The following NUP42 variants were observed in gnomAD, a reference collection of about 807,000 sequenced individuals.
NUP42 encodes the protein nucleoporin 42.
NUP42 carries 47 observed loss-of-function variants against 35.9 expected under a neutral mutation model. The observed-to-expected ratio is 1.31, with a 90% confidence interval of 1.04 to 1.67. The LOEUF is 1.67. Ranked by LOEUF, NUP42 falls within the 40% of genes most tolerant of loss-of-function variation. The pLI, the probability that NUP42 is intolerant of heterozygous loss-of-function variation, is 0.00. For missense variants in NUP42, 514 were observed against 492.2 expected, an observed-to-expected ratio of 1.04 and a Z score of -0.42; for synonymous variants, 173 against 173.3, an observed-to-expected ratio of 1.00 and a Z score of 0.01.
intron 3 of NUP42, among the ~76,000 whole-genome samples, chr7:23,190,073 A>G (rs908221834): frequency 5.9e-5 from 9 of 152,348 alleles, no homozygotes; most frequent in East Asian, 5.8e-4. Context: ...TAAACCAGTG[A>G]ATGTTAATAT....
intron 3 of NUP42, chr7:23,195,597 T>C: frequency 2.8e-6 from 1 of 351,508 alleles, no homozygotes; most frequent in Non-Finnish European, 5.0e-6. Flanking sequence ...GTGTTTGTTG[T>C]TCATTCTACG....
chr7:23,189,942 T>C (rs1785734341), intron 3 of NUP42, among the ~76,000 whole-genome samples: 1 of 152,090 alleles, frequency 6.6e-6, no homozygotes, highest in African/African-American at 2.4e-5. Context: ...TTTTTGATGT[T>C]GTATAATAAC....
chr7:23,182,970 A>C lies in NUP42; in HGVS notation c.121+764A>C, dbSNP rs896423170. ...AAAATCTAATAAAACCTATAGAGCC[A>C]TACCGCAAAAATGCACCTGCTCATA... is the stretch of plus-strand genomic sequence containing the variant. On this transcript the variant is annotated intron_variant, in intron 1 of 6. Transcript: ENST00000258742. 3.9e-5 allele frequency among the ~76,000 whole-genome samples: 6 copies of C among 152,116 alleles called. No homozygotes were observed. In the East Asian group the frequency reaches 9.7e-4, roughly 24 times the overall value.
intron 3 of NUP42, among the ~76,000 whole-genome samples, chr7:23,193,602 C>T (rs1785891558): frequency 6.6e-6 from 1 of 152,220 alleles, no homozygotes; most frequent in African/African-American, 2.4e-5. Context: ...GGTGTATTTA[C>T]AATCCCCTAG....
chr7:23,185,371 C>CT (rs1785556558), intron 2 of NUP42, 73 bp downstream of exon 2: 1 of 1,017,286 alleles, frequency 9.8e-7, no homozygotes, highest in Non-Finnish European at 1.5e-6. Context: ...TGTTGTTTCT[C>CT]TTTTTTTGTA....
At chr7:23,182,668 C>CG (rs1785450676) in intron 1 of NUP42, among the ~76,000 whole-genome samples, 1 of 140,700 alleles carries the variant, frequency 7.1e-6, no homozygotes, top group South Asian at 2.3e-4. Flanking sequence ...GAGGCCGAGG[C>CG]GGGCGGATCA....
chr7:23,197,941 G>A (rs1562611098), intron 5 of NUP42, among the ~76,000 whole-genome samples: 1 of 152,104 alleles, frequency 6.6e-6, no homozygotes, highest in Non-Finnish European at 1.5e-5. Context: ...TGGTTGCCAG[G>A]GACCAGGAGC....
intron 4 of NUP42, 199 bp downstream of exon 4, chr7:23,196,114 G>T: frequency 3.3e-6 from 1 of 299,452 alleles, no homozygotes; most frequent in East Asian, 5.7e-5. Flanking sequence ...TTAATAATTA[G>T]GAATATTACT....
rs896872433 is a variant in NUP42 at position 23,182,217 on chromosome 7, T to C, written c.121+11T>C. 8.8e-6 allele frequency: 14 copies of C among 1,599,296 alleles called. No individual in the cohort carries two copies. The highest frequency in any genetic ancestry group is 4.0e-5 in the African/African-American group (3 of 74,582). On this transcript the variant is annotated intron_variant, in intron 1 of 6. Coordinates refer to ENST00000258742, the MANE Select transcript of NUP42 (RefSeq NM_007342.3). The stretch of plus-strand genomic sequence containing the variant: ...AGCAGCAGCCTTCAGGTGACTCTCC[T>C]CTGAATCCTCCGCGGTAACCGAGCC...
chr7:23,187,363 C>T (rs562000629), intron 3 of NUP42: 4 of 368,704 alleles, frequency 1.1e-5, no homozygotes, highest in African/African-American at 8.4e-5. Flanking sequence ...TGGGAGAAAA[C>T]ATTTAAATAA....
At chr7:23,189,967 A>C (rs1785735784) in intron 3 of NUP42, among the ~76,000 whole-genome samples, 1 of 152,192 alleles carries the variant, frequency 6.6e-6, no homozygotes, top group Non-Finnish European at 1.5e-5. Context: ...CAATGTTTAG[A>C]AGTTCTGCAT....
intron 3 of NUP42, 158 bp downstream of exon 3, chr7:23,187,304 AT>A: frequency 1.8e-6 from 1 of 547,600 alleles, no homozygotes; most frequent in Non-Finnish European, 3.2e-6. Flanking sequence ...AAACTTCATA[AT>A]TTAGAGATTA....
intron 5 of NUP42, chr7:23,198,291 C>G (rs1786087947): frequency 7.0e-6 from 1 of 142,764 alleles, no homozygotes; most frequent in Admixed American, 7.3e-5. Flanking sequence ...CAGCTCACTG[C>G]AAGCTCCGCC....
At position 23,200,468 on chromosome 7, in the gene NUP42, T is replaced by C. The variant is rs1786181469; in HGVS notation, c.995T>C (p.Val332Ala). Residue 332 changes from valine to alanine, a missense_variant, in exon 7 of 7, where the codon GTG (valine) becomes GCG (alanine). Val to Ala is a moderately conservative substitution (Grantham distance 64, BLOSUM62 0). Transcript: ENST00000258742. ...SLATGPVRAP[V>A]APAFGGGSSV... ...GCAACAGGTCCTGTCAGAGCTCCAG[T>C]GGCCCCAGCCTTTGGAGGTGGCAGT... 1.2e-6 allele frequency: 2 copies of C among 1,614,234 alleles called. No homozygotes were observed. Among genetic ancestry groups the C allele is most frequent in the South Asian group, 1.1e-5 (1 of 91,088 alleles).
intron 3 of NUP42, among the ~76,000 whole-genome samples, chr7:23,188,918 TA>T (rs1313137007): frequency 3.3e-5 from 5 of 152,182 alleles, no homozygotes; most frequent in African/African-American, 9.7e-5. Context: ...GATGTCACAA[TA>T]AAAAAATGTT....
intron 2 of NUP42, 126 bp from the exon 3 acceptor site, chr7:23,186,926 T>G: frequency 1.6e-6 from 1 of 626,790 alleles, no homozygotes; most frequent in East Asian, 2.8e-5. Context: ...AGAACACTCT[T>G]CAGAAAATAT....
chr7:23,183,242 A>AT (rs1442038601), intron 1 of NUP42, among the ~76,000 whole-genome samples: 2 of 151,810 alleles, frequency 1.3e-5, no homozygotes, highest in Non-Finnish European at 2.9e-5. Context: ...TCTGACCTTT[A>AT]TTTTTTTATT....
intron 1 of NUP42, 27 bp downstream of exon 1, chr7:23,182,233 T>C: frequency 6.3e-7 from 1 of 1,579,918 alleles, no homozygotes; most frequent in Non-Finnish European, 8.6e-7. Flanking sequence ...TCCTCCGCGG[T>C]AACCGAGCCG....
intron 3 of NUP42, among the ~76,000 whole-genome samples, chr7:23,192,546 C>CAAAAAA (rs200047613): frequency 1.1e-4 from 7 of 65,200 alleles, no homozygotes; most frequent in Non-Finnish European, 1.8e-4. Context: ...GACTTCATCT[C>CAAAAAA]AAAAAAAAAA....
Sources: gnomAD v4.1 joint callset for allele counts (sites outside exome capture counted in the v4.1 genomes callset) on GRCh38, gnomAD v4.1.1 for gene constraint, MANE v1.5 for transcripts, NCBI Gene and HGNC (gene_info 2026-07-23, HGNC 2026-07-21) for gene names.